The following CCDC73 variants were observed in gnomAD, a reference collection of about 807,000 sequenced individuals.
CCDC73 encodes coiled-coil domain-containing protein 73.
Under a neutral mutation model 116.5 loss-of-function variants are expected in CCDC73, and 95 were observed. That is an observed-to-expected ratio of 0.82 (90% CI 0.69 to 0.97). The LOEUF (loss-of-function observed/expected upper bound fraction) is 0.97. Among genes scored for constraint, CCDC73 ranks in the 50% least tolerant of loss-of-function variants. The pLI is 0.00. For missense variants in CCDC73, 1,066 were observed against 1,206.8 expected, an observed-to-expected ratio of 0.88 and a Z score of 1.73; for synonymous variants, 398 against 401.3, an observed-to-expected ratio of 0.99 and a Z score of 0.10.
At chr11:32,815,507 G>A in the CCDC73 span, among the ~76,000 whole-genome samples, 1 of 151,992 alleles carries the variant, frequency 6.6e-6, no homozygotes, top group Non-Finnish European at 1.5e-5. Context: ...AGCCTATTTT[G>A]CTTTTCTAAT....
the CCDC73 span, among the ~76,000 whole-genome samples, chr11:32,820,546 A>C: frequency 0.022 from 3,348 of 152,300 alleles, 58 homozygotes; most frequent in Non-Finnish European, 0.035. Flanking sequence ...TACTCATGAG[A>C]TATCTTTATA....
chr11:32,654,784 A>T (rs1855855984), intron 10 of CCDC73, 60 bp downstream of exon 10: 1 of 1,208,052 alleles, frequency 8.3e-7, no homozygotes, highest in Admixed American at 3.0e-5. Flanking sequence ...ACAATTCTGA[A>T]ATTCTCATAA....
intron 3 of CCDC73, among the ~76,000 whole-genome samples, chr11:32,716,822 C>A (rs1308568493): frequency 6.6e-6 from 1 of 152,176 alleles, no homozygotes; most frequent in African/African-American, 2.4e-5. Flanking sequence ...CTTGGCCTAC[C>A]AAAGTGCTGG....
Position 32,602,902 on chromosome 11 carries a change from T to C in CCDC73, c.3149A>G (p.Lys1050Arg), listed in dbSNP as rs1855293536. 1 of 1,612,534 alleles carries C rather than the reference T, an allele frequency of 6.2e-7. No individual in the cohort carries two copies. The highest frequency in any genetic ancestry group is 8.5e-7 in the Non-Finnish European group (1 of 1,179,328). ...WQSLITNQLN[K>R]SENLLSLEND... ...TTCTAAACTTAGTAAATTTTCACTT[T>C]TATTTAGTTGATTCGTAATGAGGCT... Residue 1050 changes from lysine (K) to arginine (R), a missense_variant, in exon 18 of 18, where the codon AAA (lysine) becomes AGA (arginine). Lys to Arg is a conservative substitution (Grantham distance 26, BLOSUM62 2). Transcript: ENST00000335185.
At chr11:32,606,643 GTATAA>G (rs1425316523) in intron 17 of CCDC73, among the ~76,000 whole-genome samples, 4 of 152,072 alleles carry the variant, frequency 2.6e-5, no homozygotes, top group Non-Finnish European at 2.9e-5. Context: ...AGTTAAGAAA[GTATAA>G]TATAGCATTT....
chr11:32,700,720 T>C (rs1316756639), intron 5 of CCDC73, 71 bp downstream of exon 5: 2 of 686,904 alleles, frequency 2.9e-6, no homozygotes, highest in African/African-American at 1.8e-5. Flanking sequence ...GGCATCTAGC[T>C]ATGTTTTAAA....
At chr11:32,763,798 A>G (rs1340498222) in intron 1 of CCDC73, among the ~76,000 whole-genome samples, 1 of 152,084 alleles carries the variant, frequency 6.6e-6, no homozygotes, top group Non-Finnish European at 1.5e-5. Flanking sequence ...AGAAGGCTTC[A>G]GATGATCAAA....
chr11:32,645,531 C>T (rs1402291207), intron 12 of CCDC73, among the ~76,000 whole-genome samples: 4 of 152,080 alleles, frequency 2.6e-5, no homozygotes, highest in African/African-American at 9.6e-5. Context: ...CCTCGTGATC[C>T]GCCCGCCTTG....
chr11:32,761,646 T>G (rs2133378096), intron 1 of CCDC73, among the ~76,000 whole-genome samples: 1 of 152,316 alleles, frequency 6.6e-6, no homozygotes, highest in South Asian at 2.1e-4. Context: ...TGATAAGTAT[T>G]ATACTAATAA....
chr11:32,684,462 T>G (rs1289207904), intron 6 of CCDC73, among the ~76,000 whole-genome samples: 1 of 152,228 alleles, frequency 6.6e-6, no homozygotes, highest in Non-Finnish European at 1.5e-5. Context: ...TAAACACTTT[T>G]CTGTGACAAA....
rs79980328 is a variant in CCDC73, at chr11:32,653,211, A to G, written c.851T>C (p.Phe284Ser). 9.2e-3 allele frequency: 14,733 copies of G among 1,608,444 alleles called. 71 individuals carry two copies. The highest frequency in any genetic ancestry group is 0.011 in the Non-Finnish European group (12,487 of 1,175,982). The change falls in exon 12 of 18, where the codon TTC (phenylalanine) becomes TCC (serine). Residue 284 changes from phenylalanine (F) to serine (S), a missense_variant. Coordinates refer to ENST00000335185, the MANE Select transcript of CCDC73 (RefSeq NM_001008391.4). ...CCGAAGTAACTGCTGCATATGTTGGAAAGAAATGATGATATCCTTTGAAAA... is the reference window on the plus strand; with the variant it reads ...CCGAAGTAACTGCTGCATATGTTGGGAAGAAATGATGATATCCTTTGAAAA... The part of the protein sequence containing the change: ...QEEKQDIIIS[F>S]QHMQQLLRQQ...
chr11:32,769,721 T>C (rs1237059489), intron 1 of CCDC73, among the ~76,000 whole-genome samples: 2 of 152,212 alleles, frequency 1.3e-5, no homozygotes, highest in African/African-American at 4.8e-5. Flanking sequence ...AATTGCTCTC[T>C]TCCATGTATA....
Position 32,759,447 on chromosome 11 carries a change from C to T in CCDC73, c.135+662G>A, listed in dbSNP as rs141364488. On this transcript the variant is annotated intron_variant, in intron 2 of 17. Transcript: ENST00000335185. ...CTGGGTTCAAGCAATTCTTATGCCT[C>T]AGCCTCCTGAGCAGCTGGGACTACA... 8.6e-3 allele frequency among the ~76,000 whole-genome samples: 1,307 copies of T among 151,290 alleles called. 6 individuals carry two copies. The highest frequency in any genetic ancestry group is 0.014 in the Non-Finnish European group (927 of 67,914).
intron 1 of CCDC73, among the ~76,000 whole-genome samples, chr11:32,778,535 G>A (rs1453768106): frequency 1.3e-5 from 2 of 152,154 alleles, no homozygotes; most frequent in Non-Finnish European, 2.9e-5. Context: ...GAGAAGGCCG[G>A]GAGTGGTGGC....
intron 17 of CCDC73, chr11:32,603,871 C>G (rs887186497): frequency 6.6e-6 from 1 of 152,100 alleles, no homozygotes; most frequent in East Asian, 1.9e-4. Flanking sequence ...GCTCAGGAGT[C>G]GAAAACTAGC....
intron 9 of CCDC73, among the ~76,000 whole-genome samples, chr11:32,662,784 T>C (rs1053943509): frequency 1.3e-5 from 2 of 152,184 alleles, no homozygotes; most frequent in African/African-American, 4.8e-5. Flanking sequence ...CTGAATGGTA[T>C]TGCCTAGGTT....
chr11:32,829,777 C>G, the CCDC73 span: 1 of 985,210 alleles, frequency 1.0e-6, no homozygotes, highest in Non-Finnish European at 1.2e-6. Flanking sequence ...CTGGCCCGCC[C>G]GGGGATGGGG....
chr11:32,755,841 C>T lies in CCDC73; in HGVS notation c.135+4268G>A, dbSNP rs1199011882. ...CATATATATGTGTGTGTATATATCT[C>T]CATATATATGTGTGTGTATATATCT... On this transcript the variant is annotated intron_variant, in intron 2 of 17. Transcript: ENST00000335185. Among the ~76,000 whole-genome samples the T allele has an allele frequency of 1.0e-4, 13 of 129,732 alleles. 2 individuals are homozygous for T. The highest frequency in any genetic ancestry group is 2.4e-4 in the South Asian group (1 of 4,154). The allele number at this position is 129,732 out of a possible 152,430, so 85.1% of individuals were successfully genotyped here.
At chr11:32,624,930 G>A (rs1408085392) in intron 14 of CCDC73, among the ~76,000 whole-genome samples, 1 of 152,218 alleles carries the variant, frequency 6.6e-6, no homozygotes, top group East Asian at 1.9e-4. Context: ...CTGTCACAAG[G>A]ACAGAAAACC....
Sources: gnomAD v4.1 joint callset for allele counts (sites outside exome capture counted in the v4.1 genomes callset) on GRCh38, gnomAD v4.1.1 for gene constraint, MANE v1.5 for transcripts, NCBI Gene and HGNC (gene_info 2026-07-23, HGNC 2026-07-21) for gene names.